The following NOVA1 variants were observed in gnomAD, a reference collection of about 807,000 sequenced individuals.
NOVA1 encodes the protein NOVA alternative splicing regulator 1, also known as RNA-binding protein Nova-1.
A neutral mutation model predicts 38.0 loss-of-function variants in NOVA1; 7 were observed. The ratio of observed to expected loss-of-function variants is 0.18; its 90% confidence interval spans 0.10 to 0.35. The LOEUF is 0.35. Ranked by LOEUF, NOVA1 falls within the 10% of genes least tolerant of loss-of-function variation. The probability of loss-of-function intolerance (pLI) is 1.00; values close to 1 mark genes in which losing one functional copy is unlikely to be tolerated. For synonymous variants in NOVA1, 270 were observed against 232.5 expected, an observed-to-expected ratio of 1.16 and a Z score of -1.47; for missense variants, 460 against 616.0, an observed-to-expected ratio of 0.75 and a Z score of 2.68.
rs891707903 is a variant in NOVA1 at position 26,444,186 on chromosome 14, A to G, written c.*3773T>C. The G allele has an allele frequency of 6.6e-6, 1 of 152,138 alleles. No individual in the cohort carries two copies. Among genetic ancestry groups the G allele is most frequent in the African/African-American group, 2.4e-5 (1 of 41,438 alleles). 9.4% of individuals were successfully genotyped at this position (152,138 alleles called of 1,614,324 possible). ...ATAGGGCCTGTAACGTAGGGATTCC[A>G]TTCATTGTTAAATTACTAAAATCTA... On this transcript the variant is annotated 3_prime_UTR_variant, in exon 5 of 5. Coordinates refer to ENST00000539517, the MANE Select transcript of NOVA1 (RefSeq NM_002515.3).
At chr14:26,474,317 C>G (rs572837180) in intron 3 of NOVA1, among the ~76,000 whole-genome samples, 2 of 152,076 alleles carry the variant, frequency 1.3e-5, no homozygotes, top group East Asian at 3.9e-4. Context: ...TGAAGTACTA[C>G]AGGTTTAATA....
chr14:26,467,734 CTATAG>C (rs1451771803), intron 4 of NOVA1, among the ~76,000 whole-genome samples: 1 of 152,110 alleles, frequency 6.6e-6, no homozygotes, highest in Non-Finnish European at 1.5e-5. Context: ...GAAAATTTAC[CTATAG>C]TAATTGATGA....
At chr14:26,554,403 G>C (rs1281071733) in intron 2 of NOVA1, among the ~76,000 whole-genome samples, 4 of 151,942 alleles carry the variant, frequency 2.6e-5, no homozygotes, top group Admixed American at 1.3e-4. Flanking sequence ...ATTGAGCAAA[G>C]AGAATGACTA....
intron 2 of NOVA1, among the ~76,000 whole-genome samples, chr14:26,573,953 A>G (rs1431184437): frequency 6.6e-6 from 1 of 152,080 alleles, no homozygotes; most frequent in African/African-American, 2.4e-5. Context: ...CAATAAAAAC[A>G]TAAGGCTGAG....
chr14:26,447,888 A>T lies in NOVA1; in HGVS notation c.*71T>A. 1.6e-6 allele frequency: 2 copies of T among 1,249,830 alleles called. No homozygotes were observed. The highest frequency in any genetic ancestry group is 2.3e-6 in the Non-Finnish European group (2 of 873,570). The allele number at this position is 1,249,830 out of a possible 1,614,324, so 77.4% of individuals were successfully genotyped here. ...ATAACAGAAAAACTTCACTTCTGCA[A>T]AGTACAGTACATCCTTCTTGAAAAT... On this transcript the variant is annotated 3_prime_UTR_variant, in exon 5 of 5. Coordinates refer to ENST00000539517, the MANE Select transcript of NOVA1 (RefSeq NM_002515.3).
intron 4 of NOVA1, among the ~76,000 whole-genome samples, chr14:26,471,185 C>A (rs564029816): frequency 8.7e-4 from 132 of 151,982 alleles, no homozygotes; most frequent in Non-Finnish European, 1.6e-3. Flanking sequence ...GAAAATCAAA[C>A]CTGTAGTATA....
chr14:26,483,062 C>G (rs1228385277), intron 2 of NOVA1, among the ~76,000 whole-genome samples: 1 of 152,076 alleles, frequency 6.6e-6, no homozygotes, highest in African/African-American at 2.4e-5. Context: ...TAAGAAGGGG[C>G]AATGTCAAAT....
Position 26,444,590 on chromosome 14 carries a change from G to A in NOVA1, c.*3369C>T, listed in dbSNP as rs1480643754. 6.6e-6 allele frequency: 1 copy of A among 152,066 alleles called. No homozygotes were observed. The highest frequency in any genetic ancestry group is 1.5e-5 in the Non-Finnish European group (1 of 68,010). 9.4% of individuals were successfully genotyped at this position (152,066 alleles called of 1,614,324 possible). Reference sequence around the variant, plus strand: ...CAATGAGTCGAAATGAGCCGTTACAGGTTAGAATTTATCTTTGTTTCTAAT... The same window carrying A: ...CAATGAGTCGAAATGAGCCGTTACAAGTTAGAATTTATCTTTGTTTCTAAT... On this transcript the variant is annotated 3_prime_UTR_variant, in exon 5 of 5. Coordinates refer to ENST00000539517, the MANE Select transcript of NOVA1 (RefSeq NM_002515.3).
intron 2 of NOVA1, among the ~76,000 whole-genome samples, chr14:26,573,864 G>A (rs1046837747): frequency 1.3e-5 from 2 of 152,018 alleles, no homozygotes; most frequent in African/African-American, 4.8e-5. Flanking sequence ...AGACTGAGTA[G>A]CAGAATCAAC....
chr14:26,536,411 C>T (rs1473102119), intron 2 of NOVA1, among the ~76,000 whole-genome samples: 2 of 151,100 alleles, frequency 1.3e-5, no homozygotes, highest in East Asian at 3.9e-4. Flanking sequence ...GGAAGGATAC[C>T]CCCTTGCTAA....
At chr14:26,485,260 T>C (rs178208) in intron 2 of NOVA1, among the ~76,000 whole-genome samples, 91,762 of 151,866 alleles carry the variant, frequency 0.6, 31,591 homozygotes, top group Non-Finnish European at 0.75. Flanking sequence ...TTGAAACATA[T>C]ATGTGATTGA....
chr14:26,517,469 A>G (rs1888552684), intron 2 of NOVA1, among the ~76,000 whole-genome samples: 1 of 152,172 alleles, frequency 6.6e-6, no homozygotes, highest in Non-Finnish European at 1.5e-5. Flanking sequence ...GAACTTTCAC[A>G]GATTCTGTTT....
intron 2 of NOVA1, among the ~76,000 whole-genome samples, chr14:26,516,496 CA>C (rs1372000671): frequency 5.9e-5 from 9 of 152,040 alleles, no homozygotes; most frequent in Non-Finnish European, 1.0e-4. Context: ...GTTTTCTTTC[CA>C]TTGGCATTTA....
chr14:26,481,486 A>C (rs537277993), intron 2 of NOVA1, among the ~76,000 whole-genome samples: 14 of 152,142 alleles, frequency 9.2e-5, no homozygotes, highest in Non-Finnish European at 1.8e-4. Context: ...AGACAGAATT[A>C]GATTACAGGA....
intron 2 of NOVA1, among the ~76,000 whole-genome samples, chr14:26,579,955 T>A (rs1893107680): frequency 6.6e-6 from 1 of 152,058 alleles, no homozygotes; most frequent in South Asian, 2.1e-4. Flanking sequence ...AGATGGGGTC[T>A]CACTATATTG....
chr14:26,470,873 C>T (rs1884534243), intron 4 of NOVA1, among the ~76,000 whole-genome samples: 1 of 151,928 alleles, frequency 6.6e-6, no homozygotes. Flanking sequence ...AAAGACTGAA[C>T]AATAAAGTAC....
chr14:26,477,119 C>T (rs1290056763), intron 3 of NOVA1, among the ~76,000 whole-genome samples: 1 of 152,110 alleles, frequency 6.6e-6, no homozygotes, highest in Non-Finnish European at 1.5e-5. Flanking sequence ...ACAAACTGGT[C>T]TGCAAGGGCT....
At chr14:26,485,957 A>G (rs1885852979) in intron 2 of NOVA1, among the ~76,000 whole-genome samples, 1 of 152,156 alleles carries the variant, frequency 6.6e-6, no homozygotes, top group East Asian at 1.9e-4. Flanking sequence ...AAAATAACTT[A>G]AGAAAATGTA....
At chr14:26,451,760 A>T (rs1882704969) in intron 4 of NOVA1, among the ~76,000 whole-genome samples, 1 of 152,180 alleles carries the variant, frequency 6.6e-6, no homozygotes, top group Non-Finnish European at 1.5e-5. Flanking sequence ...TTGAAAATTG[A>T]AGAATTATAT....
Sources: allele counts gnomAD v4.1 joint callset (sites outside exome capture counted in the v4.1 genomes callset), GRCh38; gene constraint gnomAD v4.1.1; transcripts MANE v1.5; gene names NCBI Gene and HGNC (gene_info 2026-07-23, HGNC 2026-07-21).